FRS2: variants seen among roughly 807,000 people sequenced by gnomAD.
FRS2 encodes fibroblast growth factor receptor substrate 2, also known as FGFR signalling adaptor.
A neutral mutation model predicts 43.9 loss-of-function variants in FRS2; 8 were observed. The ratio of observed to expected loss-of-function variants is 0.18; its 90% confidence interval spans 0.11 to 0.33. The LOEUF is 0.33. FRS2 is among the 10% of genes least tolerant of loss of function. FRS2 has a pLI of 1.00. For synonymous variants in FRS2, 219 were observed against 220.3 expected (o/e 0.99, Z 0.05); for missense variants, 534 against 627.6 (o/e 0.85, Z 1.59).
At chr12:69,507,129 TCA>T (rs1195351178) in intron 1 of FRS2, among the ~76,000 whole-genome samples, 2 of 152,218 alleles carry the variant, frequency 1.3e-5, no homozygotes, top group Non-Finnish European at 2.9e-5. Context: ...TATAAATTGC[TCA>T]GTTTTAGGTA....
At chr12:69,562,481 G>T (rs566760587) in intron 4 of FRS2, among the ~76,000 whole-genome samples, 5 of 152,126 alleles carry the variant, frequency 3.3e-5, no homozygotes, top group Non-Finnish European at 7.4e-5. Flanking sequence ...TTTAATGAGA[G>T]AATTTAATAA....
chr12:69,557,553 T>C (rs1278252773), intron 3 of FRS2, among the ~76,000 whole-genome samples: 2 of 151,826 alleles, frequency 1.3e-5, no homozygotes, highest in Admixed American at 6.6e-5. Flanking sequence ...TATATGTTTT[T>C]ATACTAAACT....
At chr12:69,505,613 G>A (rs1873857701) in intron 1 of FRS2, among the ~76,000 whole-genome samples, 1 of 152,162 alleles carries the variant, frequency 6.6e-6, no homozygotes, top group Non-Finnish European at 1.5e-5. Context: ...CTATGTTTCT[G>A]CCAATAACTC....
chr12:69,517,563 G>C (rs536773124), intron 1 of FRS2, among the ~76,000 whole-genome samples: 1 of 151,850 alleles, frequency 6.6e-6, no homozygotes, highest in South Asian at 2.1e-4. Flanking sequence ...GTGATCCACT[G>C]ACCCTAGACT....
In FRS2 at chr12:69,547,702, C is replaced by A. The variant is rs149946398; in HGVS notation, c.-121-14478C>A. Reference sequence around the variant, plus strand: ...TGTATGTGTAGTTCTTGGAATGTTCCGAACCAGTTGTAACATGTTACTAAT... The same window carrying A: ...TGTATGTGTAGTTCTTGGAATGTTCAGAACCAGTTGTAACATGTTACTAAT... On this transcript the variant is annotated intron_variant, in intron 3 of 8. Coordinates refer to ENST00000549921, the MANE Select transcript of FRS2 (RefSeq NM_001278356.2). 3.3e-5 allele frequency among the ~76,000 whole-genome samples: 5 copies of A among 152,122 alleles called. No individual in the cohort carries two copies. In the East Asian group the frequency reaches 7.7e-4, roughly 23 times the overall value.
chr12:69,491,044 T>C (rs527328499), intron 1 of FRS2, among the ~76,000 whole-genome samples: 26 of 152,386 alleles, frequency 1.7e-4, no homozygotes, highest in African/African-American at 5.3e-4. Context: ...CTAGGTCCCA[T>C]GCCCTAAGGC....
At chr12:69,507,303 A>G (rs576091275) in intron 1 of FRS2, among the ~76,000 whole-genome samples, 13 of 152,260 alleles carry the variant, frequency 8.5e-5, no homozygotes, top group African/African-American at 3.1e-4. Flanking sequence ...AGTGATAAAT[A>G]CTTGGCATTT....
At position 69,576,759 on chromosome 12, in the gene FRS2, A is replaced by T. The variant is rs1329014270; in HGVS notation, c.*1804A>T. 6.6e-6 allele frequency: 1 copy of T among 152,536 alleles called. No homozygotes were observed. Among genetic ancestry groups the T allele is most frequent in the Non-Finnish European group, 1.5e-5 (1 of 68,010 alleles). 9.4% of individuals were successfully genotyped at this position (152,536 alleles called of 1,614,324 possible). On this transcript the variant is annotated 3_prime_UTR_variant, in exon 9 of 9. Transcript: ENST00000549921. ...CTTTACTATAAATCAATATCAGTGTATTTTATCATTCTATGTGCATAGCAG... is the reference window on the plus strand; with the variant it reads ...CTTTACTATAAATCAATATCAGTGTTTTTTATCATTCTATGTGCATAGCAG...
intron 1 of FRS2, among the ~76,000 whole-genome samples, chr12:69,476,753 C>CGGGGGGGGTGGGGGGGGGGGG (rs1870812294): frequency 1.2e-5 from 1 of 80,108 alleles, no homozygotes; most frequent in Admixed American, 1.5e-4. Context: ...GGGGGAGGGA[C>CGGGGGGGGTGGGGGGGGGGGG]GGGGGGGGGT....
chr12:69,514,274 T>C (rs1175705864), intron 1 of FRS2, among the ~76,000 whole-genome samples: 1 of 152,174 alleles, frequency 6.6e-6, no homozygotes, highest in East Asian at 1.9e-4. Context: ...CCCATGAGGA[T>C]GCCAGTACCA....
chr12:69,557,132 T>C (rs2135757503), intron 3 of FRS2, among the ~76,000 whole-genome samples: 1 of 152,360 alleles, frequency 6.6e-6, no homozygotes, highest in Middle Eastern at 3.4e-3. Flanking sequence ...TAAGTATTTA[T>C]TATGCTAGAG....
chr12:69,568,393 T>C (rs1369780632), intron 4 of FRS2, among the ~76,000 whole-genome samples: 1 of 152,122 alleles, frequency 6.6e-6, no homozygotes, highest in East Asian at 1.9e-4. Flanking sequence ...CTTTGGTGAT[T>C]TTTTATTTAA....
At chr12:69,571,551 A>C in intron 7 of FRS2, 117 bp downstream of exon 7, 1 of 862,524 alleles carries the variant, frequency 1.2e-6, no homozygotes, top group African/African-American at 1.7e-5. Context: ...CAGAAGTATA[A>C]TGGTTGTCAG....
chr12:69,528,870 CTT>C (rs1235456548), intron 1 of FRS2, among the ~76,000 whole-genome samples: 2 of 152,142 alleles, frequency 1.3e-5, no homozygotes, highest in Non-Finnish European at 2.9e-5. Flanking sequence ...AGAGATATCT[CTT>C]GTTACTGGCA....
chr12:69,551,855 A>T (rs1183711215), intron 3 of FRS2, among the ~76,000 whole-genome samples: 1 of 152,168 alleles, frequency 6.6e-6, no homozygotes, highest in Non-Finnish European at 1.5e-5. Context: ...ATGTGTTGAT[A>T]GTTCTTTCAT....
At chr12:69,512,762 T>C (rs73140585) in intron 1 of FRS2, among the ~76,000 whole-genome samples, 29,241 of 152,190 alleles carry the variant, frequency 0.19, 2,982 homozygotes, top group Middle Eastern at 0.29. Flanking sequence ...ATAAAAAGTT[T>C]TCACTTTCCT....
intron 3 of FRS2, among the ~76,000 whole-genome samples, chr12:69,551,605 C>T (rs1878879178): frequency 6.6e-6 from 1 of 152,132 alleles, no homozygotes; most frequent in Non-Finnish European, 1.5e-5. Context: ...AATTTGGCTT[C>T]TAGTAAAATT....
intron 1 of FRS2, among the ~76,000 whole-genome samples, chr12:69,474,635 A>G (rs186915899): frequency 3.3e-5 from 5 of 152,202 alleles, no homozygotes; most frequent in African/African-American, 9.6e-5. Context: ...ATACTATGCT[A>G]TCTTTACCCT....
At chr12:69,532,817 T>C (rs1455108750) in intron 3 of FRS2, among the ~76,000 whole-genome samples, 3 of 152,234 alleles carry the variant, frequency 2.0e-5, no homozygotes, top group Non-Finnish European at 2.9e-5. Context: ...GACCAGAAAG[T>C]ACTGAAGTTG....
Sources: allele counts gnomAD v4.1 joint callset (sites outside exome capture counted in the v4.1 genomes callset), GRCh38; gene constraint gnomAD v4.1.1; transcripts MANE v1.5; gene names NCBI Gene and HGNC (gene_info 2026-07-23, HGNC 2026-07-21).